PSD3: variants seen among roughly 807,000 people sequenced by gnomAD.
The protein encoded by PSD3 is pleckstrin and Sec7 domain containing 3, also known as PH and SEC7 domain-containing protein 3.
PSD3 carries 49 observed loss-of-function variants against 105.5 expected under a neutral mutation model. That is an observed-to-expected ratio of 0.46 (90% CI 0.37 to 0.59). The LOEUF is 0.59. PSD3 is among the 20% of genes least tolerant of loss of function. PSD3 has a pLI of 0.00. For synonymous variants in PSD3, 557 were observed against 457.8 expected, an observed-to-expected ratio of 1.22 and a Z score of -2.77; for missense variants, 1,561 against 1,263.8, an observed-to-expected ratio of 1.24 and a Z score of -3.57.
chr8:18,572,689 T>A lies in PSD3; in HGVS notation c.2640-17A>T, dbSNP rs777460297. 1.2e-6 allele frequency: 2 copies of A among 1,611,822 alleles called. No homozygotes were observed. The highest frequency in any genetic ancestry group is 3.3e-5 in the Admixed American group (2 of 59,932). On this transcript the variant is annotated splice_polypyrimidine_tract_variant and intron_variant, in intron 13 of 15. Coordinates refer to ENST00000327040, the MANE Select transcript of PSD3 (RefSeq NM_015310.4). ...TCTGGGCTCCTATGAGAAATAGATA[T>A]GTTTATATCAGGATATTGCCATGTC...
intron 9 of PSD3, among the ~76,000 whole-genome samples, chr8:18,732,180 A>G (rs1803806554): frequency 6.6e-6 from 1 of 152,070 alleles, no homozygotes; most frequent in Admixed American, 6.6e-5. Flanking sequence ...TCCCCCCCGA[A>G]AAAAAAACCC....
chr8:18,544,077 T>C (rs1800303091), intron 15 of PSD3, among the ~76,000 whole-genome samples: 1 of 149,464 alleles, frequency 6.7e-6, no homozygotes, highest in Admixed American at 6.7e-5. Context: ...CAAAAGGCCA[T>C]CTTAAGACAA....
At chr8:19,070,328 A>T (rs1431098064) in intron 1 of PSD3, among the ~76,000 whole-genome samples, 1 of 150,202 alleles carries the variant, frequency 6.7e-6, no homozygotes, top group Non-Finnish European at 1.5e-5. Context: ...ATATTGATTT[A>T]TGACTGATGT....
chr8:18,837,070 G>A (rs1451773993), intron 4 of PSD3, among the ~76,000 whole-genome samples: 1 of 152,070 alleles, frequency 6.6e-6, no homozygotes, highest in Admixed American at 6.5e-5. Flanking sequence ...GACTGAGCTA[G>A]GAGCCTACAA....
chr8:19,046,789 C>T (rs1274297879), intron 1 of PSD3, among the ~76,000 whole-genome samples: 1 of 152,166 alleles, frequency 6.6e-6, no homozygotes, highest in African/African-American at 2.4e-5. Flanking sequence ...GTCGACACTG[C>T]TGAACAGTAG....
intron 1 of PSD3, among the ~76,000 whole-genome samples, chr8:18,969,784 C>T (rs535893211): frequency 2.0e-5 from 3 of 152,018 alleles, no homozygotes; most frequent in Admixed American, 6.6e-5. Context: ...ATTCTAGTCA[C>T]GAGGAGCAAA....
chr8:18,559,414 G>A (rs1001283051), intron 14 of PSD3, among the ~76,000 whole-genome samples: 1 of 151,990 alleles, frequency 6.6e-6, no homozygotes, highest in Non-Finnish European at 1.5e-5. Flanking sequence ...CCTCTTCTGT[G>A]GATTACTGGA....
intron 4 of PSD3, among the ~76,000 whole-genome samples, chr8:18,824,191 T>C (rs1812987572): frequency 6.6e-6 from 1 of 152,118 alleles, no homozygotes; most frequent in African/African-American, 2.4e-5. Context: ...CAGTAACTTT[T>C]TTAAAGTGAG....
rs183110069 is a variant in PSD3 at position 18,788,003 on chromosome 8, A to G, written c.2082+11292T>C. Among the ~76,000 whole-genome samples, 215 of 152,312 alleles carry G rather than the reference A, an allele frequency of 1.4e-3. 1 individual carries two copies. The highest frequency in any genetic ancestry group is 6.8e-3 in the Middle Eastern group (2 of 294). On this transcript the variant is annotated intron_variant, in intron 8 of 15. Coordinates refer to ENST00000327040, the MANE Select transcript of PSD3 (RefSeq NM_015310.4). ...TATTCTGTTACAGTTATTCAACACT[A>G]TAATTGGTGTGAAGATGTAAACAAC...
chr8:18,979,058 A>T (rs542775205), intron 1 of PSD3, among the ~76,000 whole-genome samples: 1 of 152,112 alleles, frequency 6.6e-6, no homozygotes, highest in Non-Finnish European at 1.5e-5. Flanking sequence ...TTATTTTCTC[A>T]TCTGGAGGAC....
In PSD3 at chr8:19,013,691, T is replaced by G; in HGVS notation, c.-108A>C. The stretch of plus-strand genomic sequence containing the variant: ...CAGCGCCGCGTGCTCTTTGTTGAGC[T>G]CCCGGGACTGCCGAGAGGCGGCGGC... On this transcript the variant is annotated 5_prime_UTR_variant, in exon 1 of 16. Coordinates refer to ENST00000327040, the MANE Select transcript of PSD3 (RefSeq NM_015310.4). The G allele has an allele frequency of 1.4e-5, 14 of 1,002,216 alleles. No individual in the cohort carries two copies. Among genetic ancestry groups the G allele is most frequent in the Non-Finnish European group, 1.6e-5 (13 of 797,576 alleles). The allele number at this position is 1,002,216 out of a possible 1,614,324, so 62.1% of individuals were successfully genotyped here. A position where few individuals can be genotyped will look rare whatever the true frequency, so the allele number is the denominator to read the frequency against.
intron 8 of PSD3, among the ~76,000 whole-genome samples, chr8:18,768,259 C>G (rs335219): frequency 0.45 from 68,063 of 151,348 alleles, 17,981 homozygotes; most frequent in Non-Finnish European, 0.6. Flanking sequence ...GCACTCCAGC[C>G]TGAGCGACAG....
rs546191110 is a variant in PSD3 at position 18,614,347 on chromosome 8, C to G, written c.2411-13913G>C. Among the ~76,000 whole-genome samples the G allele has an allele frequency of 7.3e-5, 11 of 150,886 alleles. No homozygotes were observed. In the East Asian group the frequency reaches 2.1e-3, roughly 29 times the overall value. On this transcript the variant is annotated intron_variant, in intron 11 of 15. Transcript: ENST00000327040. ...TTAACCCCTTCTCCCCCATCCCCCC[C>G]CCAAAAAAATCAGATGTCCTAAACT... is the stretch of plus-strand genomic sequence containing the variant.
chr8:18,959,855 G>A (rs1306237546), intron 1 of PSD3, among the ~76,000 whole-genome samples: 3 of 152,208 alleles, frequency 2.0e-5, no homozygotes, highest in African/African-American at 7.2e-5. Context: ...GTGCCGAGCT[G>A]AGGATCTCCT....
At chr8:18,558,753 G>A (rs1801225684) in intron 14 of PSD3, among the ~76,000 whole-genome samples, 1 of 152,148 alleles carries the variant, frequency 6.6e-6, no homozygotes. Context: ...CCTGGGAGAT[G>A]GAGGCTGCAG....
intron 4 of PSD3, among the ~76,000 whole-genome samples, chr8:18,828,067 A>ATATATATTTTTT (rs371473289): frequency 3.4e-5 from 4 of 118,878 alleles, no homozygotes; most frequent in African/African-American, 1.4e-4. Flanking sequence ...ATATATATAT[A>ATATATATTTTTT]TTTTTTTTTT....
At chr8:18,972,906 G>C (rs1824733299) in intron 1 of PSD3, among the ~76,000 whole-genome samples, 1 of 152,182 alleles carries the variant, frequency 6.6e-6, no homozygotes, top group Non-Finnish European at 1.5e-5. Context: ...GGCTGGCTGG[G>C]CCACCCTTCA....
Position 18,872,147 on chromosome 8 carries a change from C to G in PSD3, c.717G>C (p.Gly239=). 7 of 1,614,108 alleles carry G rather than the reference C, an allele frequency of 4.3e-6. No homozygotes were observed. The highest frequency in any genetic ancestry group is 5.9e-6 in the Non-Finnish European group (7 of 1,180,026). The part of the protein sequence containing the change: ...ISQIMNNGRK[G]AVCVQEPSCP... ...AAGATGGCTCCTGCACACAGACAGC[C>G]CCTTTCCTCCCATTATTCATTATCT... Residue 239 remains glycine, a synonymous_variant, in exon 3 of 16, where the codon GGG becomes GGC. Coordinates refer to ENST00000327040, the MANE Select transcript of PSD3 (RefSeq NM_015310.4).
At chr8:18,661,176 T>G (rs182692820) in intron 9 of PSD3, among the ~76,000 whole-genome samples, 3 of 152,304 alleles carry the variant, frequency 2.0e-5, no homozygotes, top group African/African-American at 7.2e-5. Flanking sequence ...TCCAATGAAT[T>G]TTTTTCTCTG....
Sources: allele counts gnomAD v4.1 joint callset (sites outside exome capture counted in the v4.1 genomes callset), GRCh38; gene constraint gnomAD v4.1.1; transcripts MANE v1.5; gene names NCBI Gene and HGNC (gene_info 2026-07-23, HGNC 2026-07-21).